Variants in PTPRN2 observed in about 807,000 individuals in gnomAD.
PTPRN2 encodes the protein receptor-type tyrosine-protein phosphatase N2.
PTPRN2 carries 74 observed loss-of-function variants against 118.8 expected under a neutral mutation model. The observed-to-expected ratio is 0.62, with a 90% confidence interval of 0.52 to 0.76. The LOEUF (loss-of-function observed/expected upper bound fraction) is 0.76. Ranked by LOEUF, PTPRN2 falls within the 30% of genes least tolerant of loss-of-function variation. The probability of loss-of-function intolerance (pLI) is 0.00; values close to 1 mark genes in which losing one functional copy is unlikely to be tolerated. For synonymous variants in PTPRN2, 641 were observed against 608.0 expected, an observed-to-expected ratio of 1.05 and a Z score of -0.80; for missense variants, 1,481 against 1,394.4, an observed-to-expected ratio of 1.06 and a Z score of -0.99.
rs1464752148 is a variant in PTPRN2 at position 157,780,351 on chromosome 7, GCATCCAGCCA to G, written c.1789-97424_1789-97415del. Among the ~76,000 whole-genome samples, 41 of 152,172 alleles carry G rather than the reference GCATCCAGCCA, an allele frequency of 2.7e-4. No individual in the cohort carries two copies. Among genetic ancestry groups the G allele is most frequent in the Non-Finnish European group, 4.9e-4 (33 of 68,032 alleles). The stretch of plus-strand genomic sequence containing the variant: ...AGGTGAAGCTTTAGGTGACGTCGAA[GCATCCAGCCA>G]TATCTGTCAGTTTATATAAGGGGTG... On this transcript the variant is annotated intron_variant, in intron 12 of 22. Coordinates refer to ENST00000389418, the MANE Select transcript of PTPRN2 (RefSeq NM_002847.5). This position sits in a 1 kb window ranked among gnomAD's most constrained non-coding sequence, Gnocchi z 4.5.
In PTPRN2 at chr7:158,376,479, G is replaced by A. The variant is rs185497213; in HGVS notation, c.164-59547C>T. On this transcript the variant is annotated intron_variant, in intron 2 of 22. Transcript: ENST00000389418. ...CACATCCCTGTCACACGTCCTGAGA[G>A]GGGGGTCAGTGGACTCCCCTACAGC... Among the ~76,000 whole-genome samples, 623 of 145,000 alleles carry A rather than the reference G, an allele frequency of 4.3e-3. 4 individuals carry two copies. The highest frequency in any genetic ancestry group is 0.015 in the African/African-American group (590 of 38,192).
Position 157,819,660 on chromosome 7 carries a change from C to T in PTPRN2, c.1788+79013G>A, listed in dbSNP as rs61488596. ...CCCCACCCCTACCTCCTTTTGGCAG[C>T]GCAGGTGCATTCAGGGGAGCGTGCT... On this transcript the variant is annotated intron_variant, in intron 12 of 22. Transcript: ENST00000389418. 4.8e-3 allele frequency among the ~76,000 whole-genome samples: 727 copies of T among 152,186 alleles called. 8 individuals carry two copies. The highest frequency in any genetic ancestry group is 0.016 in the African/African-American group (685 of 41,518).
intron 13 of PTPRN2, among the ~76,000 whole-genome samples, chr7:157,675,660 A>C (rs1229948748): frequency 6.6e-6 from 1 of 152,210 alleles, no homozygotes; most frequent in Non-Finnish European, 1.5e-5. Flanking sequence ...CGGGAGGAGC[A>C]GGCAGGAATC....
At chr7:158,507,511 T>C (rs2129446778) in intron 1 of PTPRN2, among the ~76,000 whole-genome samples, 2 of 149,976 alleles carry the variant, frequency 1.3e-5, no homozygotes, top group Middle Eastern at 7.4e-3. Context: ...AGCCCTGCGC[T>C]GGGCGGGAAA....
intron 5 of PTPRN2, among the ~76,000 whole-genome samples, chr7:158,188,605 C>G (rs35281035): frequency 0.56 from 16,380 of 29,336 alleles, 5,477 homozygotes; most frequent in East Asian, 0.73. Flanking sequence ...GATGGGGAAG[C>G]CCGCCACGCT....
chr7:157,802,773 C>G (rs57266660), intron 12 of PTPRN2, among the ~76,000 whole-genome samples: 22,825 of 152,154 alleles, frequency 0.15, 2,351 homozygotes, highest in African/African-American at 0.28. Flanking sequence ...GGTACAGAGA[C>G]GTATCTCATC....
chr7:157,645,137 T>C (rs886220416), intron 14 of PTPRN2, among the ~76,000 whole-genome samples: 1 of 152,274 alleles, frequency 6.6e-6, no homozygotes, highest in Non-Finnish European at 1.5e-5. Flanking sequence ...GCACCTGTGA[T>C]TGATGTTGCG....
chr7:158,054,044 C>CAGAGACCCCAGAGATGCAGAGATCCT (rs1563366687), intron 11 of PTPRN2, among the ~76,000 whole-genome samples: 76 of 146,276 alleles, frequency 5.2e-4, no homozygotes, highest in African/African-American at 1.9e-3. Flanking sequence ...GCAGAGACCC[C>CAGAGACCCCAGAGATGCAGAGATCCT]AGAGATGCAG....
chr7:157,675,428 G>A (rs545506070), intron 13 of PTPRN2, among the ~76,000 whole-genome samples: 4 of 152,312 alleles, frequency 2.6e-5, no homozygotes, highest in African/African-American at 4.8e-5. Context: ...TGGCTCACCC[G>A]GGCGCCTTCT....
Position 157,784,220 on chromosome 7 carries a change from G to A in PTPRN2, c.1789-101283C>T, listed in dbSNP as rs528456821. Among the ~76,000 whole-genome samples, 2 of 152,278 alleles carry A rather than the reference G, an allele frequency of 1.3e-5. No homozygotes were observed. The highest frequency in any genetic ancestry group is 4.8e-5 in the African/African-American group (2 of 41,550). ...CGTGGCTTCTGGCCCAGAGCAGCTC[G>A]TGAGTCAGCCTGGCCTAGTTGGAAA... is the stretch of plus-strand genomic sequence containing the variant. On this transcript the variant is annotated intron_variant, in intron 12 of 22. Transcript: ENST00000389418. The surrounding 1 kb of genome is among the most constrained non-coding windows in gnomAD (Gnocchi z 4.6).
intron 3 of PTPRN2, among the ~76,000 whole-genome samples, chr7:158,266,481 G>A (rs112185891): frequency 5.3e-5 from 5 of 95,064 alleles, no homozygotes; most frequent in Admixed American, 1.0e-4. Flanking sequence ...AGCTGGGGAC[G>A]GTGTCCGCTG....
intron 3 of PTPRN2, among the ~76,000 whole-genome samples, chr7:158,209,241 A>G (rs1204331973): frequency 6.6e-6 from 1 of 152,214 alleles, no homozygotes; most frequent in African/African-American, 2.4e-5. Flanking sequence ...AAACTCTCCA[A>G]TCAAAACACA....
rs181796319 is a variant in PTPRN2 at position 157,746,272 on chromosome 7, G to T, written c.1789-63335C>A. 1.9e-3 allele frequency among the ~76,000 whole-genome samples: 292 copies of T among 151,684 alleles called. 2 individuals are homozygous for T. The highest frequency in any genetic ancestry group is 6.8e-3 in the African/African-American group (279 of 41,294). ...CTCCACAGTCCACATGGGGCCAAGAGCATGGAGATCATGGGCCTCCCCTAG... is the reference window on the plus strand; with the variant it reads ...CTCCACAGTCCACATGGGGCCAAGATCATGGAGATCATGGGCCTCCCCTAG... On this transcript the variant is annotated intron_variant, in intron 12 of 22. Transcript: ENST00000389418.
intron 21 of PTPRN2, among the ~76,000 whole-genome samples, chr7:157,556,019 G>A (rs1798859704): frequency 6.6e-6 from 1 of 152,150 alleles, no homozygotes; most frequent in African/African-American, 2.4e-5. Flanking sequence ...CATGTCAGCC[G>A]AGGTGACCCC....
intron 2 of PTPRN2, among the ~76,000 whole-genome samples, chr7:158,445,307 C>G (rs931813415): frequency 1.3e-5 from 2 of 152,216 alleles, no homozygotes; most frequent in Non-Finnish European, 2.9e-5. Flanking sequence ...AGCGCCCCCA[C>G]CTGCTCACCT....
chr7:157,947,830 T>A (rs1563264846), intron 11 of PTPRN2, among the ~76,000 whole-genome samples: 1 of 152,230 alleles, frequency 6.6e-6, no homozygotes, highest in Non-Finnish European at 1.5e-5. Flanking sequence ...CATCTTGTAC[T>A]TGAGATCGTC....
At chr7:157,725,416 A>G (rs1480809590) in intron 12 of PTPRN2, among the ~76,000 whole-genome samples, 27 of 67,020 alleles carry the variant, frequency 4.0e-4, no homozygotes, top group South Asian at 2.6e-3. Flanking sequence ...CAGAGGAGTG[A>G]GCCAGACCCT....
At chr7:158,585,577 A>G (rs1828863061) in intron 1 of PTPRN2, among the ~76,000 whole-genome samples, 1 of 152,230 alleles carries the variant, frequency 6.6e-6, no homozygotes, top group Non-Finnish European at 1.5e-5. Context: ...CTGGTAGCCA[A>G]AATAACACTG....
At chr7:157,816,040 CCT>C (rs1563138947) in intron 12 of PTPRN2, among the ~76,000 whole-genome samples, 1 of 152,214 alleles carries the variant, frequency 6.6e-6, no homozygotes, top group East Asian at 1.9e-4. Flanking sequence ...CAGATCACGC[CCT>C]CTCGCTGGTG....
Sources: allele counts gnomAD v4.1 joint callset (sites outside exome capture counted in the v4.1 genomes callset), GRCh38; gene constraint gnomAD v4.1.1; non-coding constraint Gnocchi (gnomAD v3.1); transcripts MANE v1.5; gene names NCBI Gene and HGNC (gene_info 2026-07-23, HGNC 2026-07-21).